MLLT10: variants seen among roughly 807,000 people sequenced by gnomAD.
MLLT10 encodes the protein MLLT10 histone lysine methyltransferase DOT1L cofactor.
A neutral mutation model predicts 129.1 loss-of-function variants in MLLT10; 30 were observed. The observed-to-expected ratio is 0.23, with a 90% CI of 0.17 to 0.32. The LOEUF is 0.32. Ranked by LOEUF, MLLT10 falls within the 10% of genes least tolerant of loss-of-function variation. The pLI is 1.00. For synonymous variants in MLLT10, 490 were observed against 446.4 expected, an observed-to-expected ratio of 1.10 and a Z score of -1.23; for missense variants, 1,119 against 1,268.3, an observed-to-expected ratio of 0.88 and a Z score of 1.79.
At chr10:21,689,868 GT>G (rs1017673320) in intron 13 of MLLT10, among the ~76,000 whole-genome samples, 1 of 151,622 alleles carries the variant, frequency 6.6e-6, no homozygotes, top group Non-Finnish European at 1.5e-5. Flanking sequence ...TAACCCAATA[GT>G]TTTTTGTTAC....
At chr10:21,617,950 G>A (rs1014406861) in intron 8 of MLLT10, among the ~76,000 whole-genome samples, 12 of 152,102 alleles carry the variant, frequency 7.9e-5, no homozygotes, top group Non-Finnish European at 1.5e-4. Context: ...TTGAGTGGAG[G>A]CTGTAGTGTG....
At chr10:21,588,273 G>A (rs184460521) in intron 4 of MLLT10, among the ~76,000 whole-genome samples, 72 of 152,148 alleles carry the variant, frequency 4.7e-4, no homozygotes, top group African/African-American at 1.7e-3. Context: ...CACGATGTTG[G>A]CCAGGCTGGT....
intron 13 of MLLT10, among the ~76,000 whole-genome samples, chr10:21,685,167 C>CA (rs998692286): frequency 6.6e-5 from 10 of 150,962 alleles, no homozygotes; most frequent in Non-Finnish European, 1.2e-4. Context: ...TGTGAAACTT[C>CA]AAAAAAAAGC....
intron 9 of MLLT10, among the ~76,000 whole-genome samples, chr10:21,655,746 C>T (rs746712403): frequency 6.6e-6 from 1 of 152,108 alleles, no homozygotes; most frequent in Non-Finnish European, 1.5e-5. Flanking sequence ...CATCTCCATA[C>T]CCAGTGATAC....
chr10:21,539,963 A>G (rs943584496), intron 3 of MLLT10, among the ~76,000 whole-genome samples: 4 of 151,472 alleles, frequency 2.6e-5, no homozygotes, highest in Non-Finnish European at 4.4e-5. Context: ...AAAAAAACAA[A>G]AAGGAGGTAG....
chr10:21,612,285 G>A, intron 5 of MLLT10, 63 bp from the exon 6 acceptor site: 1 of 976,890 alleles, frequency 1.0e-6, no homozygotes, highest in Non-Finnish European at 1.5e-6. Context: ...GAAGATAATT[G>A]TAAAATTCTG....
chr10:21,541,827 T>C (rs1256902759), intron 3 of MLLT10, among the ~76,000 whole-genome samples: 2 of 152,224 alleles, frequency 1.3e-5, no homozygotes, highest in African/African-American at 4.8e-5. Flanking sequence ...GCAATTTTTT[T>C]ATAGTTCCGA....
chr10:21,535,146 G>A (rs1461946991), intron 2 of MLLT10, among the ~76,000 whole-genome samples: 2 of 148,044 alleles, frequency 1.4e-5, no homozygotes, highest in African/African-American at 5.0e-5. Flanking sequence ...GGGCGGGGGC[G>A]GTGCGCGCCC....
At chr10:21,695,310 A>G (rs2054260288) in intron 13 of MLLT10, among the ~76,000 whole-genome samples, 1 of 152,068 alleles carries the variant, frequency 6.6e-6, no homozygotes, top group Non-Finnish European at 1.5e-5. Flanking sequence ...TCTGCTTTCA[A>G]AGGCTCATGT....
At position 21,603,835 on chromosome 10, in the gene MLLT10, T is replaced by G. The variant is rs995731264; in HGVS notation, c.405+8395T>G. Among the ~76,000 whole-genome samples, 17 of 152,030 alleles carry G rather than the reference T, an allele frequency of 1.1e-4. 1 individual carries two copies. Among genetic ancestry groups the G allele is most frequent in the East Asian group, 3.9e-4 (2 of 5,186 alleles). ...ACAGTTTTTGTTTTTTTGTTTTTTT[T>G]TTTTTAATCACCCTAATCTCTGCTG... On this transcript the variant is annotated intron_variant, in intron 5 of 22. Transcript: ENST00000307729.
intron 3 of MLLT10, among the ~76,000 whole-genome samples, chr10:21,544,970 A>G (rs796538650): frequency 6.6e-6 from 1 of 151,912 alleles, no homozygotes; most frequent in African/African-American, 2.4e-5. Context: ...ACATGGAGAA[A>G]CTCCGTCTGT....
chr10:21,668,483 C>G (rs2131368554), intron 9 of MLLT10, among the ~76,000 whole-genome samples: 1 of 152,192 alleles, frequency 6.6e-6, no homozygotes, highest in East Asian at 1.9e-4. Context: ...TAGTTAGTGT[C>G]ATTATGTGTA....
intron 18 of MLLT10, among the ~76,000 whole-genome samples, chr10:21,733,294 A>C (rs115274715): frequency 6.6e-6 from 1 of 152,132 alleles, no homozygotes; most frequent in African/African-American, 2.4e-5. Context: ...AATTTACTTA[A>C]ATGTCTAATG....
chr10:21,709,504 TA>T (rs1232219765), intron 13 of MLLT10, among the ~76,000 whole-genome samples: 1 of 152,212 alleles, frequency 6.6e-6, no homozygotes, highest in Non-Finnish European at 1.5e-5. Flanking sequence ...GTGCTGGGAT[TA>T]CAGATGTGAG....
At position 21,622,323 on chromosome 10, in the gene MLLT10, A is replaced by G. The variant is rs1231807997; in HGVS notation, c.699+5116A>G. On this transcript the variant is annotated intron_variant, in intron 8 of 22. Transcript: ENST00000307729. Reference sequence around the variant, plus strand: ...CCAGCGTATGCCACTATGCCGGCCAATTTTTTTTTTTTTTTTTTTAAATTT... The same window carrying G: ...CCAGCGTATGCCACTATGCCGGCCAGTTTTTTTTTTTTTTTTTTTAAATTT... 7.3e-5 allele frequency among the ~76,000 whole-genome samples: 10 copies of G among 136,726 alleles called. No individual in the cohort carries two copies. In the East Asian group the frequency reaches 8.3e-4, roughly 11 times the overall value. The allele number at this position is 136,726 out of a possible 152,430, so 89.7% of individuals were successfully genotyped here. A position where few individuals can be genotyped will look rare whatever the true frequency, so the allele number is the denominator to read the frequency against.
At chr10:21,710,283 T>C in intron 13 of MLLT10, among the ~76,000 whole-genome samples, 1 of 152,148 alleles carries the variant, frequency 6.6e-6, no homozygotes, top group African/African-American at 2.4e-5. Flanking sequence ...TGGGGCCACA[T>C]AGGTAACATA....
chr10:21,674,963 CAATAAACAAACAAATA>C (rs2051922946), intron 11 of MLLT10, among the ~76,000 whole-genome samples: 2 of 123,830 alleles, frequency 1.6e-5, no homozygotes, highest in African/African-American at 6.2e-5. Flanking sequence ...GTAGTAACTT[CAATAAACAAACAAATA>C]AATAAACAAA....
intron 8 of MLLT10, among the ~76,000 whole-genome samples, chr10:21,618,494 T>G (rs1270799): frequency 0.33 from 50,760 of 151,814 alleles, 9,010 homozygotes; most frequent in Middle Eastern, 0.47. Context: ...GACGGAGCGA[T>G]ACTCTTGTCT....
chr10:21,567,679 T>C (rs2039740712), intron 3 of MLLT10, among the ~76,000 whole-genome samples: 1 of 152,168 alleles, frequency 6.6e-6, no homozygotes, highest in Non-Finnish European at 1.5e-5. Context: ...CCCCATGTGA[T>C]CATTGCTGGT....
Sources: allele counts gnomAD v4.1 joint callset (sites outside exome capture counted in the v4.1 genomes callset), GRCh38; gene constraint gnomAD v4.1.1; transcripts MANE v1.5; gene names NCBI Gene and HGNC (gene_info 2026-07-23, HGNC 2026-07-21).